GPR19: variants seen among roughly 807,000 people sequenced by gnomAD.
GPR19 encodes G protein-coupled receptor 19.
Under a neutral mutation model 28.5 loss-of-function variants are expected in GPR19, and 14 were observed. That is an observed-to-expected ratio of 0.49 (90% CI 0.32 to 0.77). The LOEUF is 0.77. GPR19 is among the 30% of genes least tolerant of loss of function. The probability of loss-of-function intolerance (pLI) is 0.03; values close to 1 mark genes in which losing one functional copy is unlikely to be tolerated. For missense variants in GPR19, 409 were observed against 504.1 expected (o/e 0.81, Z 1.81); for synonymous variants, 173 against 184.1 (o/e 0.94, Z 0.49).
chr12:12,695,259 G>C (rs1444622453), intron 2 of GPR19, among the ~76,000 whole-genome samples, 200 bp downstream of exon 2: 1 of 152,200 alleles, frequency 6.6e-6, no homozygotes, highest in African/African-American at 2.4e-5. Context: ...AATATCTAGT[G>C]AACTGGGAGG....
upstream of GPR19, among the ~76,000 whole-genome samples, chr12:12,699,937 T>C (rs557315350): frequency 6.6e-6 from 1 of 151,990 alleles, no homozygotes; most frequent in Admixed American, 6.6e-5. Context: ...ATGAAATGTT[T>C]CAAATAGAAA....
chr12:12,716,773 C>T, the GPR19 span: 2 of 985,274 alleles, frequency 2.0e-6, no homozygotes, highest in East Asian at 1.1e-4. Flanking sequence ...GCAGAAACTT[C>T]TGGGTTAAGG....
At chr12:12,705,103 A>G in the GPR19 span, among the ~76,000 whole-genome samples, 1 of 146,596 alleles carries the variant, frequency 6.8e-6, no homozygotes, top group African/African-American at 2.5e-5. Context: ...TCAAGAATAA[A>G]TAGAAATGCA....
upstream of GPR19, among the ~76,000 whole-genome samples, chr12:12,698,617 A>ATTTTTTTTTTTTTTTT (rs11411021): frequency 6.7e-6 from 1 of 149,776 alleles, no homozygotes. Flanking sequence ...AACTTAAAGC[A>ATTTTTTTTTTTTTTTT]TTTTTTTTTT....
At chr12:12,709,532 C>A in the GPR19 span, among the ~76,000 whole-genome samples, 1 of 152,174 alleles carries the variant, frequency 6.6e-6, no homozygotes, top group African/African-American at 2.4e-5. Flanking sequence ...CTTCGATCTC[C>A]TGGGCTCAAG....
At chr12:12,662,994 G>A (rs949650810) in intron 3 of GPR19, among the ~76,000 whole-genome samples, 1 of 152,328 alleles carries the variant, frequency 6.6e-6, no homozygotes, top group Admixed American at 6.5e-5. Context: ...TGGGAAGGGT[G>A]CTGTCCTTAC....
chr12:12,699,974 CTTTCT>C (rs1286911620), upstream of GPR19, among the ~76,000 whole-genome samples: 19 of 88,270 alleles, frequency 2.2e-4, no homozygotes, highest in East Asian at 3.9e-4. Context: ...AAAAAGCTTT[CTTTCT>C]TTTTTTTTTT....
At position 12,681,145 on chromosome 12, in the gene GPR19, C is replaced by T. The variant is rs572577598; in HGVS notation, c.-23+3206G>A. 5.9e-5 allele frequency among the ~76,000 whole-genome samples: 9 copies of T among 152,252 alleles called. No individual in the cohort carries two copies. In the South Asian group the frequency reaches 1.9e-3, roughly 32 times the overall value. On this transcript the variant is annotated intron_variant, in intron 3 of 3. Coordinates refer to ENST00000651487, the MANE Select transcript of GPR19 (RefSeq NM_006143.3). ...CCTCTCAGCACAACTCCCATGTCAT[C>T]CAATTTTTTGCCTTGGCTGATGGAG...
chr12:12,661,967 A>G lies in GPR19; in HGVS notation c.482T>C (p.Ile161Thr), dbSNP rs774571164. ...VQIYVLLSICIDRFYTIVYPL... is the reference protein window; with the variant it reads ...VQIYVLLSICTDRFYTIVYPL... ...ATAGACGATGGTGTAGAACCGGTCTATGCAGATGGAGAGGAGAACGTAGAT... is the reference window on the plus strand; with the variant it reads ...ATAGACGATGGTGTAGAACCGGTCTGTGCAGATGGAGAGGAGAACGTAGAT... Residue 161 changes from isoleucine to threonine, a missense_variant, in exon 4 of 4, where the codon ATA (isoleucine) becomes ACA (threonine). Ile to Thr is a moderately conservative substitution (Grantham distance 89, BLOSUM62 -1). Coordinates refer to ENST00000651487, the MANE Select transcript of GPR19 (RefSeq NM_006143.3). This position sits in a 1 kb window ranked among gnomAD's most constrained non-coding sequence, Gnocchi z 4.2. 12 of 1,613,158 alleles carry G rather than the reference A, an allele frequency of 7.4e-6. No individual in the cohort carries two copies. In the South Asian group the frequency reaches 7.7e-5, roughly 10 times the overall value.
rs559227320 is a variant in GPR19, at chr12:12,694,915, G to A, written c.-180+544C>T. 7.9e-5 allele frequency among the ~76,000 whole-genome samples: 12 copies of A among 152,260 alleles called. No homozygotes were observed. In the South Asian group the frequency reaches 2.3e-3, roughly 29 times the overall value. ...TTCCTATGCACTTCACACATACAGCGCAGCTGCCAGGATATACTTTAGGCT... is the reference window on the plus strand; with the variant it reads ...TTCCTATGCACTTCACACATACAGCACAGCTGCCAGGATATACTTTAGGCT... On this transcript the variant is annotated intron_variant, in intron 2 of 3. Coordinates refer to ENST00000651487, the MANE Select transcript of GPR19 (RefSeq NM_006143.3).
At chr12:12,684,777 C>T (rs1946070349) in intron 2 of GPR19, 1 of 151,768 alleles carries the variant, frequency 6.6e-6, no homozygotes, top group Non-Finnish European at 1.5e-5. Flanking sequence ...ATTCAATCAC[C>T]CAAACCTCCT....
chr12:12,716,815 GC>G, the GPR19 span: 1 of 985,034 alleles, frequency 1.0e-6, no homozygotes, highest in Non-Finnish European at 1.2e-6. Context: ...GCCTCCACCA[GC>G]CCCCAGCAAA....
In GPR19 at chr12:12,662,287, T is replaced by G. The variant is rs1182661782; in HGVS notation, c.162A>C (p.Thr54=). The G allele has an allele frequency of 3.7e-6, 6 of 1,614,248 alleles. No homozygotes were observed. Among genetic ancestry groups the G allele is most frequent in the Non-Finnish European group, 3.4e-6 (4 of 1,180,044 alleles). ...CGGGTTTCAGCACATAGTGAAGGTC[T>G]GTTTGGTTGCTCATCCAACTGTGCT... is the stretch of plus-strand genomic sequence containing the variant. ...SEEHSWMSNQ[T]DLHYVLKPGE... Residue 54 remains threonine, a synonymous_variant, in exon 4 of 4, where the codon ACA becomes ACC. Transcript: ENST00000651487.
chr12:12,663,937 T>C (rs570952120), intron 3 of GPR19, among the ~76,000 whole-genome samples: 13 of 152,294 alleles, frequency 8.5e-5, no homozygotes, highest in African/African-American at 3.1e-4. Context: ...GAAACATTTC[T>C]CAAGTGACAG....
chr12:12,660,971 A>G lies in GPR19; in HGVS notation c.*230T>C. On this transcript the variant is annotated 3_prime_UTR_variant, in exon 4 of 4. Transcript: ENST00000651487. Reference sequence around the variant, plus strand: ...TTTCTTTTTTATGCATGTAACTAATATATTAATAGTAAAAGGACTGTTGGC... The same window carrying G: ...TTTCTTTTTTATGCATGTAACTAATGTATTAATAGTAAAAGGACTGTTGGC... 1 of 436,452 alleles carries G rather than the reference A, an allele frequency of 2.3e-6. No homozygotes were observed. Among genetic ancestry groups the G allele is most frequent in the Non-Finnish European group, 4.0e-6 (1 of 248,928 alleles). The allele number at this position is 436,452 out of a possible 1,614,324, so 27.0% of individuals were successfully genotyped here.
chr12:12,713,811 T>C, the GPR19 span, among the ~76,000 whole-genome samples: 1 of 152,152 alleles, frequency 6.6e-6, no homozygotes, highest in Non-Finnish European at 1.5e-5. Flanking sequence ...GGATTACAGG[T>C]GTGAGCCACT....
chr12:12,697,226 C>G (rs1387612351), upstream of GPR19, among the ~76,000 whole-genome samples: 1 of 142,452 alleles, frequency 7.0e-6, no homozygotes, highest in Middle Eastern at 3.8e-3. Context: ...AAGCATTAAC[C>G]CAAGAAAGCA....
chr12:12,687,969 AAGT>A (rs1946119281), intron 2 of GPR19, among the ~76,000 whole-genome samples: 1 of 152,224 alleles, frequency 6.6e-6, no homozygotes. Flanking sequence ...TAAAAAAAGA[AAGT>A]TCTTCTTTAC....
chr12:12,678,211 G>A lies in GPR19; in HGVS notation c.-23+6140C>T, dbSNP rs563368762. Among the ~76,000 whole-genome samples the A allele has an allele frequency of 1.2e-3, 180 of 150,950 alleles. 1 individual carries two copies. Among genetic ancestry groups the A allele is most frequent in the African/African-American group, 3.7e-3 (150 of 41,010 alleles). The stretch of plus-strand genomic sequence containing the variant: ...GAATTATGTGCAATTCTAGGAGCTC[G>A]ACCTGTAATTCCAACCCTTTAATCT... On this transcript the variant is annotated intron_variant, in intron 3 of 3. Coordinates refer to ENST00000651487, the MANE Select transcript of GPR19 (RefSeq NM_006143.3).
Sources: allele counts gnomAD v4.1 joint callset (sites outside exome capture counted in the v4.1 genomes callset), GRCh38; gene constraint gnomAD v4.1.1; non-coding constraint Gnocchi (gnomAD v3.1); transcripts MANE v1.5; gene names NCBI Gene and HGNC (gene_info 2026-07-23, HGNC 2026-07-21).